The following PDE4B variants were observed in gnomAD, a reference collection of about 807,000 sequenced individuals.
PDE4B encodes the protein phosphodiesterase 4B.
A neutral mutation model predicts 82.2 loss-of-function variants in PDE4B; 20 were observed. The ratio of observed to expected loss-of-function variants is 0.24; its 90% CI spans 0.17 to 0.35. The LOEUF (loss-of-function observed/expected upper bound fraction) is 0.35. Among genes scored for constraint, PDE4B ranks in the 10% least tolerant of loss-of-function variants. The pLI, the probability that PDE4B is intolerant of heterozygous loss-of-function variation, is 1.00. For missense variants in PDE4B, 655 were observed against 907.2 expected (o/e 0.72, Z 3.57); for synonymous variants, 320 against 318.9 (o/e 1.00, Z -0.04).
intron 3 of PDE4B, among the ~76,000 whole-genome samples, chr1:66,238,084 GAGA>G (rs1351485454): frequency 6.6e-6 from 1 of 152,194 alleles, no homozygotes; most frequent in Non-Finnish European, 1.5e-5. Flanking sequence ...CTTAAAGAAT[GAGA>G]AGAAGGCAGC....
intron 3 of PDE4B, among the ~76,000 whole-genome samples, chr1:66,034,185 A>G (rs2100807706): frequency 6.6e-6 from 1 of 151,934 alleles, no homozygotes; most frequent in East Asian, 1.9e-4. Context: ...AATATTTTGC[A>G]TACCCTTAAT....
At chr1:66,131,997 T>C (rs575972899) in intron 3 of PDE4B, among the ~76,000 whole-genome samples, 9 of 152,250 alleles carry the variant, frequency 5.9e-5, no homozygotes, top group African/African-American at 1.9e-4. Context: ...AAAAGCAGTA[T>C]GGCTGAAGCA....
At chr1:66,110,497 G>T (rs1346046570) in intron 3 of PDE4B, among the ~76,000 whole-genome samples, 1 of 152,046 alleles carries the variant, frequency 6.6e-6, no homozygotes, top group Non-Finnish European at 1.5e-5. Context: ...TGTGTGAAAA[G>T]CATAGAGCAC....
intron 3 of PDE4B, among the ~76,000 whole-genome samples, chr1:66,003,359 A>G (rs1651971862): frequency 6.6e-6 from 1 of 152,138 alleles, no homozygotes; most frequent in Non-Finnish European, 1.5e-5. Flanking sequence ...TAAAAAAAAA[A>G]AACATTTATC....
At chr1:66,114,224 TC>T (rs1299973935) in intron 3 of PDE4B, among the ~76,000 whole-genome samples, 1 of 152,172 alleles carries the variant, frequency 6.6e-6, no homozygotes, top group Admixed American at 6.5e-5. Context: ...AGCACCTTGA[TC>T]TCGGACTTCA....
intron 1 of PDE4B, among the ~76,000 whole-genome samples, chr1:65,820,967 C>A (rs911772693): frequency 7.2e-5 from 11 of 152,176 alleles, no homozygotes; most frequent in Admixed American, 1.3e-4. Flanking sequence ...GCATGGTGGG[C>A]CCCAGCCCAG....
intron 3 of PDE4B, among the ~76,000 whole-genome samples, chr1:66,148,431 T>A (rs1646318439): frequency 6.6e-6 from 1 of 152,192 alleles, no homozygotes; most frequent in South Asian, 2.1e-4. Flanking sequence ...CCGATTCTAT[T>A]TCACACAATA....
At chr1:66,174,336 A>G (rs1360083814) in intron 3 of PDE4B, among the ~76,000 whole-genome samples, 2 of 152,182 alleles carry the variant, frequency 1.3e-5, no homozygotes, top group Admixed American at 6.5e-5. Context: ...ATATGTATTC[A>G]TTTTGTACTA....
chr1:65,920,891 A>G (rs1647224171), intron 3 of PDE4B, among the ~76,000 whole-genome samples: 16 of 151,954 alleles, frequency 1.1e-4, no homozygotes. Flanking sequence ...GATACTTTTT[A>G]AAGTATGAGA....
intron 3 of PDE4B, among the ~76,000 whole-genome samples, chr1:66,110,794 T>C (rs1165428155): frequency 6.6e-6 from 1 of 152,122 alleles, no homozygotes; most frequent in Non-Finnish European, 1.5e-5. Context: ...ATATCAGTTA[T>C]TTCTACTACA....
chr1:66,205,774 C>T (rs752672382), intron 3 of PDE4B, among the ~76,000 whole-genome samples: 2 of 152,222 alleles, frequency 1.3e-5, no homozygotes, highest in Non-Finnish European at 2.9e-5. Context: ...TAGAAAGGAA[C>T]ATTCACTAAA....
intron 3 of PDE4B, among the ~76,000 whole-genome samples, chr1:66,058,693 G>A (rs963029776): frequency 1.3e-5 from 2 of 152,210 alleles, no homozygotes; most frequent in African/African-American, 4.8e-5. Context: ...GCCCCTTTTA[G>A]TCATGGCTGG....
intron 1 of PDE4B, among the ~76,000 whole-genome samples, chr1:65,912,361 A>G (rs771435447): frequency 1.4e-4 from 22 of 152,296 alleles, no homozygotes; most frequent in Non-Finnish European, 2.2e-4. Context: ...ACAGTGCCCA[A>G]TAGATACTAT....
At chr1:65,859,659 T>C (rs922214609) in intron 1 of PDE4B, among the ~76,000 whole-genome samples, 1 of 152,152 alleles carries the variant, frequency 6.6e-6, no homozygotes, top group Non-Finnish European at 1.5e-5. Flanking sequence ...TAATGGTCAA[T>C]ATATGCTCAA....
At chr1:66,187,920 T>A in intron 3 of PDE4B, among the ~76,000 whole-genome samples, 1 of 151,516 alleles carries the variant, frequency 6.6e-6, no homozygotes. Flanking sequence ...CTTTTAATTG[T>A]GATGTTGGGG....
chr1:65,902,154 G>A (rs750236854), intron 1 of PDE4B, among the ~76,000 whole-genome samples: 12 of 151,982 alleles, frequency 7.9e-5, no homozygotes, highest in Admixed American at 2.6e-4. Flanking sequence ...AGAGTATGGT[G>A]GGTATGATCT....
At chr1:65,810,728 T>C (rs1306540752) in intron 1 of PDE4B, among the ~76,000 whole-genome samples, 1 of 152,182 alleles carries the variant, frequency 6.6e-6, no homozygotes, top group South Asian at 2.1e-4. Context: ...CATTGACTTG[T>C]AAGACTTTTT....
intron 3 of PDE4B, among the ~76,000 whole-genome samples, chr1:66,098,760 G>A (rs751401745): frequency 3.3e-5 from 5 of 152,082 alleles, no homozygotes; most frequent in South Asian, 2.1e-4. Context: ...TCAAATTAGA[G>A]CATTAAAAAG....
intron 1 of PDE4B, among the ~76,000 whole-genome samples, chr1:65,807,818 G>T (rs1175466644): frequency 6.6e-6 from 1 of 152,210 alleles, no homozygotes; most frequent in Non-Finnish European, 1.5e-5. Context: ...AGGGCAGCTG[G>T]AGTGGCCCCT....
Sources: allele counts gnomAD v4.1 joint callset (sites outside exome capture counted in the v4.1 genomes callset), GRCh38; gene constraint gnomAD v4.1.1; transcripts MANE v1.5; gene names NCBI Gene and HGNC (gene_info 2026-07-23, HGNC 2026-07-21).